C2CD3: variants seen among roughly 807,000 people sequenced by gnomAD.
The protein encoded by C2CD3 is C2 domain-containing protein 3.
A neutral mutation model predicts 234.0 loss-of-function variants in C2CD3; 148 were observed. The ratio of observed to expected loss-of-function variants is 0.63; its 90% CI spans 0.55 to 0.72. The LOEUF (loss-of-function observed/expected upper bound fraction) is 0.72. Among genes scored for constraint, C2CD3 ranks in the 30% least tolerant of loss-of-function variants. The pLI, the probability that C2CD3 is intolerant of heterozygous loss-of-function variation, is 0.00. For synonymous variants in C2CD3, 1,000 were observed against 1,035.4 expected (o/e 0.97, Z 0.66); for missense variants, 2,577 against 2,811.5 (o/e 0.92, Z 1.89).
intron 2 of C2CD3, among the ~76,000 whole-genome samples, chr11:74,162,087 A>C (rs1246233979): frequency 1.3e-5 from 2 of 152,160 alleles, no homozygotes; most frequent in African/African-American, 4.8e-5. Context: ...AAGTACTGGG[A>C]TTACAAGTAT....
chr11:74,103,091 C>T, intron 14 of C2CD3, 40 bp downstream of exon 14: 5 of 1,556,564 alleles, frequency 3.2e-6, no homozygotes, highest in Non-Finnish European at 4.4e-6. Context: ...TGTCTCTCAC[C>T]CCTATATTCC....
chr11:74,048,721 T>A (rs1953513780), intron 27 of C2CD3, among the ~76,000 whole-genome samples: 1 of 152,230 alleles, frequency 6.6e-6, no homozygotes, highest in African/African-American at 2.4e-5. Context: ...AGAAATGACC[T>A]TCCTATATTG....
chr11:74,089,186 G>A (rs1955780742), intron 20 of C2CD3, among the ~76,000 whole-genome samples: 2 of 152,150 alleles, frequency 1.3e-5, no homozygotes, highest in Non-Finnish European at 1.5e-5. Flanking sequence ...ATGTAAGGAA[G>A]TGGTATGATT....
chr11:74,035,742 T>C (rs1287775216), intron 30 of C2CD3, among the ~76,000 whole-genome samples: 2 of 151,722 alleles, frequency 1.3e-5, no homozygotes, highest in Non-Finnish European at 1.5e-5. Context: ...CCTGATCTAA[T>C]CATCTTTCTC....
At chr11:74,014,556 A>G (rs1475288767) in intron 32 of C2CD3, among the ~76,000 whole-genome samples, 1 of 143,944 alleles carries the variant, frequency 6.9e-6, no homozygotes. Context: ...AGTTGCGCCC[A>G]GCGAGAGTTG....
At chr11:74,106,211 T>C (rs180712220) in intron 13 of C2CD3, among the ~76,000 whole-genome samples, 160 bp downstream of exon 13, 3 of 152,328 alleles carry the variant, frequency 2.0e-5, no homozygotes, top group Admixed American at 1.3e-4. Context: ...TATCACATCA[T>C]ACCATTTATT....
In C2CD3 at chr11:74,074,424, G is replaced by A; in HGVS notation, c.4780C>T (p.Leu1594Phe). 2 of 1,614,206 alleles carry A rather than the reference G, an allele frequency of 1.2e-6. No individual in the cohort carries two copies. The highest frequency in any genetic ancestry group is 1.7e-6 in the Non-Finnish European group (2 of 1,180,028). The change falls in exon 24 of 33, where the codon CTC (leucine) becomes TTC (phenylalanine). Residue 1594 changes from leucine (L) to phenylalanine (F), a missense_variant. By Grantham distance (22) the Leu-to-Phe change is conservative. Coordinates refer to ENST00000334126, the MANE Select transcript of C2CD3 (RefSeq NM_001286577.2). ...QLPRRNDEVQ[L>F]SPPEVISCHQ... Reference sequence around the variant, plus strand: ...CAGGAGATGACTTCTGGTGGAGAGAGCTGGACCTCATCATTCCTTCTGGGG... The same window carrying A: ...CAGGAGATGACTTCTGGTGGAGAGAACTGGACCTCATCATTCCTTCTGGGG...
chr11:74,033,871 C>T lies in C2CD3; in HGVS notation c.6289G>A (p.Val2097Ile), dbSNP rs1455678286. 1 of 1,536,200 alleles carries T rather than the reference C, an allele frequency of 6.5e-7. No individual in the cohort carries two copies. Among genetic ancestry groups the T allele is most frequent in the East Asian group, 2.4e-5 (1 of 40,912 alleles). The change falls in exon 31 of 33, where the codon GTC (valine) becomes ATC (isoleucine). Residue 2097 changes from valine to isoleucine, a missense_variant. Val to Ile is a conservative substitution (Grantham distance 29, BLOSUM62 3). Coordinates refer to ENST00000334126, the MANE Select transcript of C2CD3 (RefSeq NM_001286577.2). ...WSSVISDTSE[V>I]ISPQPDEVQR... ...ACCTCGTCAGGCTGAGGGCTGATGA[C>T]CTCACTTGTGTCTGATATGACACTA... is the stretch of plus-strand genomic sequence containing the variant.
In C2CD3 at chr11:74,137,327, T is replaced by C. The variant is rs556336125; in HGVS notation, c.955+1393A>G. 2.6e-5 allele frequency among the ~76,000 whole-genome samples: 4 copies of C among 152,080 alleles called. No homozygotes were observed. The South Asian group carries it at 8.3e-4, about 31-fold the overall frequency. On this transcript the variant is annotated intron_variant, in intron 5 of 32. Coordinates refer to ENST00000334126, the MANE Select transcript of C2CD3 (RefSeq NM_001286577.2). ...AGTTTATATATATATATTTAACTACTGTAGCCCTGATACCTAGAAGAGCGC... is the reference window on the plus strand; with the variant it reads ...AGTTTATATATATATATTTAACTACCGTAGCCCTGATACCTAGAAGAGCGC...
At chr11:74,117,573 CT>C (rs1234346379) in intron 9 of C2CD3, among the ~76,000 whole-genome samples, 1 of 151,486 alleles carries the variant, frequency 6.6e-6, no homozygotes, top group Non-Finnish European at 1.5e-5. Flanking sequence ...ATACAATGGA[CT>C]TTGGAAACTG....
At chr11:74,158,506 C>T (rs7115146) in intron 3 of C2CD3, among the ~76,000 whole-genome samples, 43,037 of 151,720 alleles carry the variant, frequency 0.28, 7,095 homozygotes, top group African/African-American at 0.46. Flanking sequence ...GCGGATCACC[C>T]GAGGTCAGGA....
chr11:74,055,317 C>T (rs1419057993), intron 25 of C2CD3, among the ~76,000 whole-genome samples: 1 of 152,188 alleles, frequency 6.6e-6, no homozygotes, highest in Non-Finnish European at 1.5e-5. Context: ...AAATGCCTAA[C>T]TTTCACACCA....
intron 8 of C2CD3, among the ~76,000 whole-genome samples, chr11:74,121,332 C>CATG: frequency 6.6e-6 from 1 of 152,072 alleles, no homozygotes; most frequent in South Asian, 2.1e-4. Context: ...CAGAGCTGGA[C>CATG]ATGATGGCTC....
At chr11:74,121,157 G>A (rs1957199591) in intron 8 of C2CD3, among the ~76,000 whole-genome samples, 1 of 152,192 alleles carries the variant, frequency 6.6e-6, no homozygotes, top group African/African-American at 2.4e-5. Flanking sequence ...ATGACACACT[G>A]TGGTCTAGTA....
rs61738909 is a variant in C2CD3, at chr11:74,103,560, G to A, written c.2151C>T (p.Asn717=). ...FTGINTKLSG[N]THYTPLCAPT... ...GAGCACAAAGTGGGGTATAATGGGTGTTGCCACTTAACTTAGTATTGATAC... is the reference window on the plus strand; with the variant it reads ...GAGCACAAAGTGGGGTATAATGGGTATTGCCACTTAACTTAGTATTGATAC... The change falls in exon 14 of 33, where the codon AAC becomes AAT. Residue 717 remains asparagine, a synonymous_variant. Transcript: ENST00000334126. 4.7e-3 allele frequency: 7,584 copies of A among 1,613,314 alleles called. 268 individuals carry two copies. In the African/African-American group the frequency reaches 0.081, roughly 17 times the overall value.
rs1565366038 is a variant in C2CD3 at position 74,168,528 on chromosome 11, T to C, written c.141A>G (p.Arg47=). ...GAGGCTTTGCAATCTTCCATATGACTCTATTAACAGTAAGTTTTAGAAAAC... is the reference window on the plus strand; with the variant it reads ...GAGGCTTTGCAATCTTCCATATGACCCTATTAACAGTAAGTTTTAGAAAAC... ...LRCFLKLTVN[R]VIWKIAKPPT... Residue 47 remains arginine, a synonymous_variant, in exon 2 of 33, where the codon AGA becomes AGG. Coordinates refer to ENST00000334126, the MANE Select transcript of C2CD3 (RefSeq NM_001286577.2). 6.2e-7 allele frequency: 1 copy of C among 1,614,182 alleles called. No individual in the cohort carries two copies. The highest frequency in any genetic ancestry group is 8.5e-7 in the Non-Finnish European group (1 of 1,179,998).
At chr11:74,167,812 C>T (rs1856903613) in intron 2 of C2CD3, among the ~76,000 whole-genome samples, 1 of 152,212 alleles carries the variant, frequency 6.6e-6, no homozygotes, top group South Asian at 2.1e-4. Flanking sequence ...GGGATGCTTT[C>T]CATTTCTGAA....
intron 26 of C2CD3, among the ~76,000 whole-genome samples, chr11:74,050,897 A>G (rs151171752): frequency 2.0e-5 from 3 of 151,682 alleles, no homozygotes; most frequent in Non-Finnish European, 4.4e-5. Flanking sequence ...GTGTGCCACA[A>G]TAGCAAATCT....
chr11:74,110,245 G>C (rs1404831057), intron 11 of C2CD3, among the ~76,000 whole-genome samples: 1 of 149,964 alleles, frequency 6.7e-6, no homozygotes, highest in Non-Finnish European at 1.5e-5. Context: ...CACTGCTAAG[G>C]CTGTTAAAAT....
Sources: allele counts gnomAD v4.1 joint callset (sites outside exome capture counted in the v4.1 genomes callset), GRCh38; gene constraint gnomAD v4.1.1; transcripts MANE v1.5; gene names NCBI Gene and HGNC (gene_info 2026-07-23, HGNC 2026-07-21).